RBFOX1: variants seen among roughly 807,000 people sequenced by gnomAD.
The protein encoded by RBFOX1 is RNA binding fox-1 homolog 1.
In RBFOX1, 8 loss-of-function variants were observed where a neutral mutation model predicts 57.7. The ratio of observed to expected loss-of-function variants is 0.14; its 90% confidence interval spans 0.08 to 0.25. The LOEUF is 0.25. Among genes scored for constraint, RBFOX1 ranks in the 10% least tolerant of loss-of-function variants. The probability of loss-of-function intolerance (pLI) is 1.00; values close to 1 mark genes in which losing one functional copy is unlikely to be tolerated. For synonymous variants in RBFOX1, 326 were observed against 222.4 expected (o/e 1.47, Z -4.15); for missense variants, 611 against 548.5 (o/e 1.11, Z -1.14).
At chr16:7,148,355 A>T (rs2075442407) in intron 4 of RBFOX1, among the ~76,000 whole-genome samples, 1 of 152,338 alleles carries the variant, frequency 6.6e-6, no homozygotes, top group Non-Finnish European at 1.5e-5. Flanking sequence ...GCATCTATAC[A>T]GGCCATTATC....
intron 3 of RBFOX1, among the ~76,000 whole-genome samples, chr16:5,732,917 G>A (rs28564618): frequency 0.059 from 8,916 of 152,180 alleles, 688 homozygotes; most frequent in African/African-American, 0.17. Context: ...GGGAATGCCT[G>A]CCTTATTATC....
intron 4 of RBFOX1, among the ~76,000 whole-genome samples, chr16:7,108,342 G>C (rs199676130): frequency 6.9e-5 from 5 of 72,362 alleles, no homozygotes; most frequent in Admixed American, 1.5e-4. Context: ...TTTCAGTACA[G>C]CTTGTCCTTT....
At chr16:6,889,305 A>G (rs1010118870) in intron 3 of RBFOX1, among the ~76,000 whole-genome samples, 2 of 152,114 alleles carry the variant, frequency 1.3e-5, no homozygotes, top group Non-Finnish European at 1.5e-5. Context: ...AGCATAGGTG[A>G]TGGATGTCAC....
At chr16:5,873,073 C>A (rs781510753) in intron 4 of RBFOX1, among the ~76,000 whole-genome samples, 1 of 152,114 alleles carries the variant, frequency 6.6e-6, no homozygotes, top group African/African-American at 2.4e-5. Context: ...TAGCTTGAAC[C>A]CAGGAGGCAG....
chr16:6,159,224 A>G (rs1204219580), intron 1 of RBFOX1, among the ~76,000 whole-genome samples: 1 of 151,966 alleles, frequency 6.6e-6, no homozygotes, highest in African/African-American at 2.4e-5. Context: ...CTATAGACGC[A>G]CACCACCACA....
At chr16:6,411,892 G>C (rs1397113175) in intron 2 of RBFOX1, among the ~76,000 whole-genome samples, 5 of 152,150 alleles carry the variant, frequency 3.3e-5, no homozygotes, top group Non-Finnish European at 7.3e-5. Context: ...CCAGCACTTT[G>C]GGCGGCTGAG....
chr16:5,810,982 A>G (rs896694683), intron 3 of RBFOX1, among the ~76,000 whole-genome samples: 41 of 152,204 alleles, frequency 2.7e-4, no homozygotes, highest in Middle Eastern at 3.4e-3. Context: ...GATAATGAAA[A>G]TATCCATCAC....
chr16:5,755,646 T>A (rs1247978691), intron 3 of RBFOX1, among the ~76,000 whole-genome samples: 1 of 152,234 alleles, frequency 6.6e-6, no homozygotes, highest in East Asian at 1.9e-4. Context: ...TTGCCTAGGC[T>A]AGAGTACAAA....
chr16:6,435,065 A>G (rs2094196568), intron 2 of RBFOX1, among the ~76,000 whole-genome samples: 1 of 152,208 alleles, frequency 6.6e-6, no homozygotes, highest in African/African-American at 2.4e-5. Context: ...AATTCCATTA[A>G]TACTGCAATA....
At chr16:5,916,639 C>T (rs531581184) in intron 4 of RBFOX1, among the ~76,000 whole-genome samples, 1 of 151,956 alleles carries the variant, frequency 6.6e-6, no homozygotes, top group Non-Finnish European at 1.5e-5. Flanking sequence ...GGAGGACCTC[C>T]TAGAAGGGAG....
At chr16:6,700,210 G>A (rs895117933) in intron 3 of RBFOX1, among the ~76,000 whole-genome samples, 1 of 152,118 alleles carries the variant, frequency 6.6e-6, no homozygotes, top group Non-Finnish European at 1.5e-5. Flanking sequence ...AGAGGAACGT[G>A]AGAAGTGTAC....
At chr16:6,167,867 G>C (rs1430766871) in intron 1 of RBFOX1, among the ~76,000 whole-genome samples, 1 of 152,090 alleles carries the variant, frequency 6.6e-6, no homozygotes, top group Non-Finnish European at 1.5e-5. Flanking sequence ...TCCGGGATGG[G>C]GTCAAGGAGG....
intron 3 of RBFOX1, among the ~76,000 whole-genome samples, chr16:6,742,848 A>G (rs2072611024): frequency 6.6e-6 from 1 of 152,196 alleles, no homozygotes; most frequent in African/African-American, 2.4e-5. Context: ...GGGTAGAACT[A>G]TAAAGGTACA....
At chr16:7,599,243 C>T (rs377337586) in intron 9 of RBFOX1, among the ~76,000 whole-genome samples, 1 of 152,166 alleles carries the variant, frequency 6.6e-6, no homozygotes. Flanking sequence ...ATGGTGACAT[C>T]AACCTGACGG....
At chr16:6,493,404 C>G (rs62016835) in intron 2 of RBFOX1, among the ~76,000 whole-genome samples, 1 of 152,070 alleles carries the variant, frequency 6.6e-6, no homozygotes, top group Non-Finnish European at 1.5e-5. Context: ...CATTCATCGC[C>G]GGTACTGCAA....
At chr16:6,579,388 C>G (rs534127592) in intron 2 of RBFOX1, among the ~76,000 whole-genome samples, 7 of 152,096 alleles carry the variant, frequency 4.6e-5, no homozygotes, top group African/African-American at 1.7e-4. Context: ...GGCTTTGTGT[C>G]TCCACCCAAA....
intron 2 of RBFOX1, among the ~76,000 whole-genome samples, chr16:6,580,969 G>A (rs2045808817): frequency 6.7e-6 from 1 of 149,192 alleles, no homozygotes; most frequent in South Asian, 2.1e-4. Flanking sequence ...GCAAGCTTCT[G>A]AAGCATTGAT....
intron 3 of RBFOX1, among the ~76,000 whole-genome samples, chr16:6,829,890 C>G (rs775853744): frequency 6.6e-6 from 1 of 152,080 alleles, no homozygotes; most frequent in South Asian, 2.1e-4. Context: ...GTGTAAACCA[C>G]CATGCCCAGC....
chr16:5,605,045 C>G (rs1366382584), downstream of RBFOX1, among the ~76,000 whole-genome samples: 1 of 152,222 alleles, frequency 6.6e-6, no homozygotes, highest in East Asian at 1.9e-4. Flanking sequence ...ACTCACCCGG[C>G]CTTCATTTCC....
Sources: gnomAD v4.1 joint callset for allele counts (sites outside exome capture counted in the v4.1 genomes callset) on GRCh38, gnomAD v4.1.1 for gene constraint, MANE v1.5 for transcripts, NCBI Gene and HGNC (gene_info 2026-07-23, HGNC 2026-07-21) for gene names.